The following CDC25C variants were observed in gnomAD, a reference collection of about 807,000 sequenced individuals.
CDC25C encodes M-phase inducer phosphatase 3.
In CDC25C, 48 loss-of-function variants were observed where a neutral mutation model predicts 52.5. The observed-to-expected ratio is 0.91, with a 90% confidence interval of 0.72 to 1.16. The LOEUF (loss-of-function observed/expected upper bound fraction) is 1.16, where lower values mean the gene tolerates loss of function less well. Among genes scored for constraint, CDC25C ranks in the 50% most tolerant of loss-of-function variants. CDC25C has a pLI of 0.00. For synonymous variants in CDC25C, 187 were observed against 206.5 expected (o/e 0.91, Z 0.81); for missense variants, 510 against 566.1 (o/e 0.90, Z 1.01).
chr5:138,304,748 C>G (rs929125386), intron 7 of CDC25C, among the ~76,000 whole-genome samples: 1 of 152,084 alleles, frequency 6.6e-6, no homozygotes, highest in Admixed American at 6.6e-5. Context: ...GCTCAAGCAA[C>G]TCTCCTGCCT....
chr5:138,332,022 C>T (rs1203731009), upstream of CDC25C: 2 of 538,446 alleles, frequency 3.7e-6, no homozygotes, highest in Non-Finnish European at 4.7e-6. Context: ...GGCCCACCAG[C>T]GTTAGGCAGG....
intron 7 of CDC25C, among the ~76,000 whole-genome samples, chr5:138,296,603 TA>T (rs1363912532): frequency 1.4e-5 from 2 of 144,648 alleles, no homozygotes; most frequent in East Asian, 2.2e-4. Context: ...TTATTATTAT[TA>T]ATTATTTTTT....
chr5:138,320,424 A>C (rs970937771), intron 6 of CDC25C, among the ~76,000 whole-genome samples: 1 of 152,228 alleles, frequency 6.6e-6, no homozygotes, highest in Non-Finnish European at 1.5e-5. Flanking sequence ...CAAAATGTCC[A>C]TCAACAGATG....
Position 138,338,059 on chromosome 5 carries a change from C to T in CDC25C, c.-91G>A, listed in dbSNP as rs770580764. On this transcript the variant is annotated 5_prime_UTR_variant, in exon 1 of 6. Coordinates refer to the CDC25C transcript ENST00000510119. ...AGGGGGTGACTCGTTAGTGAGGAAA[C>T]CACCCCCATCCCTAAATCAAAGCGC... 1.1e-5 allele frequency: 14 copies of T among 1,289,720 alleles called. No individual in the cohort carries two copies. In the South Asian group the frequency reaches 1.7e-4, roughly 16 times the overall value. The allele number at this position is 1,289,720 out of a possible 1,614,324, so 79.9% of individuals were successfully genotyped here.
chr5:138,288,281 G>T (rs1175164113), intron 10 of CDC25C, among the ~76,000 whole-genome samples: 1 of 152,092 alleles, frequency 6.6e-6, no homozygotes. Context: ...CTCCATGTTG[G>T]TCAGACTCGT....
At chr5:138,333,583 G>A (rs1004309980), upstream of CDC25C, 3 of 152,206 alleles carry the variant, frequency 2.0e-5, no homozygotes, top group African/African-American at 7.2e-5. Context: ...GTTGTTATCT[G>A]CTTTGACGAC....
At chr5:138,321,201 C>G (rs1215431229) in intron 6 of CDC25C, among the ~76,000 whole-genome samples, 1 of 152,004 alleles carries the variant, frequency 6.6e-6, no homozygotes, top group African/African-American at 2.4e-5. Flanking sequence ...TGGGCAGAAA[C>G]AGGGATGGGG....
chr5:138,297,580 A>G (rs1428214341), intron 7 of CDC25C, among the ~76,000 whole-genome samples: 1 of 152,018 alleles, frequency 6.6e-6, no homozygotes, highest in Non-Finnish European at 1.5e-5. Context: ...GTGAATTTAA[A>G]TTTTCACTCT....
intron 7 of CDC25C, among the ~76,000 whole-genome samples, chr5:138,293,147 G>A (rs934152618): frequency 6.6e-5 from 10 of 152,084 alleles, no homozygotes; most frequent in African/African-American, 2.4e-4. Flanking sequence ...TGATGGTACC[G>A]TCCACATTAT....
intron 7 of CDC25C, among the ~76,000 whole-genome samples, chr5:138,307,968 C>T (rs1323658543): frequency 4.6e-5 from 7 of 152,154 alleles, no homozygotes; most frequent in Admixed American, 4.6e-4. Flanking sequence ...CAGATTCTCA[C>T]AAGGAACCGG....
intron 7 of CDC25C, among the ~76,000 whole-genome samples, chr5:138,301,197 T>C (rs1284969009): frequency 6.6e-6 from 1 of 152,154 alleles, no homozygotes; most frequent in East Asian, 1.9e-4. Context: ...TCAATATTGA[T>C]AAATCTCTAC....
At chr5:138,325,931 T>A (rs754727022) in intron 5 of CDC25C, 27 bp from the exon 6 acceptor site, 1 of 1,609,880 alleles carries the variant, frequency 6.2e-7, no homozygotes, top group Admixed American at 1.7e-5. Flanking sequence ...GCTGAGAACG[T>A]CCAGCATCCT....
exon 1 of CDC25C, chr5:138,338,168 G>A (rs1006952033): frequency 7.8e-7 from 1 of 1,289,648 alleles, no homozygotes; most frequent in Non-Finnish European, 1.0e-6. Flanking sequence ...GTGGCTTGGG[G>A]GGATTCTGCG....
chr5:138,300,036 C>G (rs1203044272), intron 7 of CDC25C, among the ~76,000 whole-genome samples: 1 of 152,208 alleles, frequency 6.6e-6, no homozygotes, highest in East Asian at 1.9e-4. Flanking sequence ...CCTAACAAGA[C>G]AAAAACTACT....
chr5:138,306,446 C>T (rs1047898088), intron 7 of CDC25C, among the ~76,000 whole-genome samples: 1 of 151,868 alleles, frequency 6.6e-6, no homozygotes, highest in Non-Finnish European at 1.5e-5. Flanking sequence ...CTGCTTTATA[C>T]AAGTATCTAT....
At position 138,299,420 on chromosome 5, in the gene CDC25C, C is replaced by G. The variant is rs1393211447; in HGVS notation, c.616-7304G>C. Among the ~76,000 whole-genome samples, 204 of 145,794 alleles carry G rather than the reference C, an allele frequency of 1.4e-3. 1 individual carries two copies. Among genetic ancestry groups the G allele is most frequent in the African/African-American group, 5.0e-3 (198 of 39,400 alleles). ...CTGAGGCAGGAGAATTGCTTGAACC[C>G]AGGGGGCAGAGGTTGCAGTGAGCCA... On this transcript the variant is annotated intron_variant, in intron 7 of 13. Coordinates refer to ENST00000323760, the MANE Select transcript of CDC25C (RefSeq NM_001790.5).
At chr5:138,321,218 C>T (rs552069987) in intron 6 of CDC25C, among the ~76,000 whole-genome samples, 1 of 152,148 alleles carries the variant, frequency 6.6e-6, no homozygotes, top group African/African-American at 2.4e-5. Context: ...GGGGAGTTAT[C>T]ACTTAAGGGT....
At chr5:138,326,323 T>C (rs1247221198) in intron 4 of CDC25C, among the ~76,000 whole-genome samples, 1 of 152,132 alleles carries the variant, frequency 6.6e-6, no homozygotes, top group Non-Finnish European at 1.5e-5. Flanking sequence ...TACAATTTAC[T>C]AATTTTCCAG....
At chr5:138,290,787 G>T in intron 8 of CDC25C, 47 bp from the exon 9 acceptor site, 1 of 1,215,374 alleles carries the variant, frequency 8.2e-7, no homozygotes, top group Non-Finnish European at 1.2e-6. Context: ...TCATGTTAAA[G>T]GTTTAAAAAC....
Sources: gnomAD v4.1 joint callset for allele counts (sites outside exome capture counted in the v4.1 genomes callset) on GRCh38, gnomAD v4.1.1 for gene constraint, MANE v1.5 for transcripts, NCBI Gene and HGNC (gene_info 2026-07-23, HGNC 2026-07-21) for gene names.